The following RYR3 variants were observed in gnomAD, a reference collection of about 807,000 sequenced individuals.
RYR3 encodes the protein brain ryanodine receptor-calcium release channel.
Under a neutral mutation model 584.3 loss-of-function variants are expected in RYR3, and 207 were observed. The observed-to-expected ratio is 0.35, with a 90% CI of 0.32 to 0.40. The LOEUF is 0.40. Ranked by LOEUF, RYR3 falls within the 10% of genes least tolerant of loss-of-function variation. The pLI, the probability that RYR3 is intolerant of heterozygous loss-of-function variation, is 1.00. For synonymous variants in RYR3, 2,416 were observed against 2,248.5 expected (o/e 1.07, Z -2.11); for missense variants, 5,616 against 6,089.2 (o/e 0.92, Z 2.59).
intron 75 of RYR3, among the ~76,000 whole-genome samples, chr15:33,818,267 G>T (rs1369699754): frequency 6.6e-6 from 1 of 152,162 alleles, no homozygotes; most frequent in Non-Finnish European, 1.5e-5. Context: ...TGAGAGGTCA[G>T]CTGATTGGAG....
intron 12 of RYR3, among the ~76,000 whole-genome samples, chr15:33,569,178 T>G (rs1249269751): frequency 2.0e-5 from 3 of 152,250 alleles, no homozygotes; most frequent in Non-Finnish European, 4.4e-5. Context: ...GTAAAAGTTT[T>G]CAGATATGGT....
intron 18 of RYR3, among the ~76,000 whole-genome samples, chr15:33,611,327 C>T (rs1295665870): frequency 1.3e-5 from 2 of 152,056 alleles, no homozygotes; most frequent in African/African-American, 4.8e-5. Context: ...GAAGCCAAGG[C>T]AGGCAGATCA....
chr15:33,706,949 C>T lies in RYR3; in HGVS notation c.6514C>T (p.Gln2172Ter). The change falls in exon 43 of 104, where the codon CAG becomes TAG. Residue 2172 changes from glutamine to a stop codon, truncating the protein, a stop_gained. Coordinates refer to ENST00000634891, the MANE Select transcript of RYR3 (RefSeq NM_001036.6). LOFTEE classifies it high-confidence loss of function. ...VVTYLAGCGL[Q>*]SCPMLLAKGY... is the part of the protein sequence containing the mutation. ...GACCTACTTGGCAGGCTGTGGCCTA[C>T]AGAGCTGCCCCATGCTTCTGGCCAA... 1 of 1,611,114 alleles carries T rather than the reference C, an allele frequency of 6.2e-7. No homozygotes were observed. The highest frequency in any genetic ancestry group is 8.5e-7 in the Non-Finnish European group (1 of 1,178,552).
intron 38 of RYR3, among the ~76,000 whole-genome samples, chr15:33,692,023 C>G (rs1311144313): frequency 6.6e-6 from 1 of 152,174 alleles, no homozygotes; most frequent in Non-Finnish European, 1.5e-5. Flanking sequence ...CTCTGCAGAT[C>G]ACATTTTTAT....
At chr15:33,411,283 T>C (rs1404875733) in intron 1 of RYR3, among the ~76,000 whole-genome samples, 1 of 152,196 alleles carries the variant, frequency 6.6e-6, no homozygotes, top group Non-Finnish European at 1.5e-5. Flanking sequence ...AAATAATGTA[T>C]TTTCCTTGTC....
intron 23 of RYR3, among the ~76,000 whole-genome samples, chr15:33,632,183 G>C (rs909444928): frequency 6.6e-6 from 1 of 152,350 alleles, no homozygotes; most frequent in African/African-American, 2.4e-5. Context: ...ATTGAGCCCT[G>C]GTCTGTGGTT....
Position 33,836,902 on chromosome 15 carries a change from C to A in RYR3, c.11569-4C>A. The A allele has an allele frequency of 6.2e-7, 1 of 1,612,212 alleles. No individual in the cohort carries two copies. The highest frequency in any genetic ancestry group is 8.5e-7 in the Non-Finnish European group (1 of 1,179,006). On this transcript the variant is annotated splice_polypyrimidine_tract_variant and splice_region_variant and intron_variant, in intron 87 of 103. Transcript: ENST00000634891. Reference sequence around the variant, plus strand: ...CTCAGGGGTATCTCCTGTTTCTGTTCTAGGATTCCAGTCAGATCGAGCTGC... The same window carrying A: ...CTCAGGGGTATCTCCTGTTTCTGTTATAGGATTCCAGTCAGATCGAGCTGC...
chr15:33,769,382 C>A (rs1047185714), intron 62 of RYR3, among the ~76,000 whole-genome samples: 4 of 152,144 alleles, frequency 2.6e-5, no homozygotes, highest in African/African-American at 9.7e-5. Flanking sequence ...ATGCAAAGGC[C>A]TGATCAATTC....
intron 1 of RYR3, among the ~76,000 whole-genome samples, chr15:33,389,661 A>G (rs2041865299): frequency 6.6e-6 from 1 of 152,238 alleles, no homozygotes; most frequent in Admixed American, 6.5e-5. Flanking sequence ...TGTGTTTAAA[A>G]TCTGAACCTT....
chr15:33,856,268 A>G (rs1447881496), intron 98 of RYR3: 1 of 152,104 alleles, frequency 6.6e-6, no homozygotes, highest in Non-Finnish European at 1.5e-5. Context: ...TTCTTCCCTC[A>G]AGTCTGCTGA....
chr15:33,830,721 T>G (rs2077626773), intron 85 of RYR3: 1 of 358,004 alleles, frequency 2.8e-6, no homozygotes, highest in African/African-American at 2.1e-5. Flanking sequence ...TCCTATTTCA[T>G]AGTCTCCAAG....
chr15:33,808,767 C>T (rs1735044097), intron 70 of RYR3, among the ~76,000 whole-genome samples: 1 of 152,192 alleles, frequency 6.6e-6, no homozygotes, highest in African/African-American at 2.4e-5. Context: ...GCTTTCCCTT[C>T]CTGCTGTTTT....
intron 1 of RYR3, among the ~76,000 whole-genome samples, chr15:33,468,288 G>A (rs972150679): frequency 6.6e-6 from 1 of 152,204 alleles, no homozygotes; most frequent in African/African-American, 2.4e-5. Flanking sequence ...GTTATTAAAT[G>A]TACCTAACCC....
At chr15:33,362,879 T>C (rs1325739208) in intron 1 of RYR3, among the ~76,000 whole-genome samples, 1 of 152,200 alleles carries the variant, frequency 6.6e-6, no homozygotes, top group Non-Finnish European at 1.5e-5. Context: ...GGGGGTTACC[T>C]GTATCATTTA....
chr15:33,351,585 GGATGCAA>G (rs1345529479), intron 1 of RYR3, among the ~76,000 whole-genome samples: 1 of 151,420 alleles, frequency 6.6e-6, no homozygotes, highest in Non-Finnish European at 1.5e-5. Flanking sequence ...TTCATCCCTG[GGATGCAA>G]GACTGGTTCA....
intron 47 of RYR3, among the ~76,000 whole-genome samples, chr15:33,730,775 A>C (rs1222365402): frequency 6.6e-6 from 1 of 152,362 alleles, no homozygotes; most frequent in East Asian, 1.9e-4. Flanking sequence ...ATCCGTCTAA[A>C]TGTACATCAA....
intron 38 of RYR3, among the ~76,000 whole-genome samples, chr15:33,689,560 G>T (rs1315176260): frequency 6.6e-6 from 1 of 152,100 alleles, no homozygotes; most frequent in Non-Finnish European, 1.5e-5. Context: ...ATCATTTCTG[G>T]TATCACTTGG....
Position 33,748,604 on chromosome 15 carries a change from A to G in RYR3, c.8199+74A>G, listed in dbSNP as rs1314636128. The G allele has an allele frequency of 9.6e-6, 12 of 1,254,050 alleles. No individual in the cohort carries two copies. In the East Asian group the frequency reaches 3.0e-4, roughly 31 times the overall value. 77.7% of individuals were successfully genotyped at this position (1,254,050 alleles called of 1,614,324 possible). A position where few individuals can be genotyped will look rare whatever the true frequency, so the allele number is the denominator to read the frequency against. ...TACCTTCCAAAGAGTTAAAGGGGGA[A>G]AAAAGGGAAAGAATGCCTAGAACAT... is the stretch of plus-strand genomic sequence containing the variant. On this transcript the variant is annotated intron_variant, in intron 55 of 103. Transcript: ENST00000634891.
intron 55 of RYR3, 69 bp from the exon 56 acceptor site, chr15:33,749,910 C>CAAATA: frequency 1.4e-6 from 2 of 1,390,238 alleles, no homozygotes; most frequent in Non-Finnish European, 2.0e-6. Context: ...CCTGAAATGA[C>CAAATA]CTAGCAGCTA....
Sources: gnomAD v4.1 joint callset for allele counts (sites outside exome capture counted in the v4.1 genomes callset) on GRCh38, gnomAD v4.1.1 for gene constraint, MANE v1.5 for transcripts, NCBI Gene and HGNC (gene_info 2026-07-23, HGNC 2026-07-21) for gene names.